TBC1D22A: variants seen among roughly 807,000 people sequenced by gnomAD.
TBC1D22A encodes putative GTPase activator.
In TBC1D22A, 38 loss-of-function variants were observed where a neutral mutation model predicts 60.2. That is an observed-to-expected ratio of 0.63 (90% CI 0.49 to 0.83). The LOEUF is 0.83. Ranked by LOEUF, TBC1D22A falls within the 40% of genes least tolerant of loss-of-function variation. TBC1D22A has a pLI of 0.00. For missense variants in TBC1D22A, 628 were observed against 701.0 expected, an observed-to-expected ratio of 0.90 and a Z score of 1.18; for synonymous variants, 302 against 281.7, an observed-to-expected ratio of 1.07 and a Z score of -0.72.
At chr22:47,097,992 G>A (rs960112306) in intron 11 of TBC1D22A, among the ~76,000 whole-genome samples, 1 of 152,002 alleles carries the variant, frequency 6.6e-6, no homozygotes, top group African/African-American at 2.4e-5. Flanking sequence ...CTACTGTGCA[G>A]CTGTCCTTTG....
At chr22:47,066,847 C>T (rs1176349088) in intron 11 of TBC1D22A, among the ~76,000 whole-genome samples, 1 of 152,220 alleles carries the variant, frequency 6.6e-6, no homozygotes, top group Non-Finnish European at 1.5e-5. Context: ...AGCTCTAACA[C>T]TGGTGTCTGG....
intron 12 of TBC1D22A, among the ~76,000 whole-genome samples, chr22:47,150,225 C>T (rs2067451356): frequency 1.3e-5 from 2 of 152,266 alleles, no homozygotes; most frequent in African/African-American, 2.4e-5. Context: ...AGCACCGCCA[C>T]GCCCATTCAG....
intron 12 of TBC1D22A, among the ~76,000 whole-genome samples, chr22:47,143,706 C>CAG (rs1256599667): frequency 6.6e-6 from 1 of 152,218 alleles, no homozygotes; most frequent in Non-Finnish European, 1.5e-5. Context: ...CTGACGGGTG[C>CAG]CTAGTAGCTC....
rs1195020755 is a variant in TBC1D22A, at chr22:47,160,123, C to T, written c.1426-13375C>T. ...GGGAGGCCGGGCCGCCCAACCCCTTCCTTGGTTTCCCCGCCGCTCCTTCTC... is the reference window on the plus strand; with the variant it reads ...GGGAGGCCGGGCCGCCCAACCCCTTTCTTGGTTTCCCCGCCGCTCCTTCTC... On this transcript the variant is annotated intron_variant, in intron 12 of 12. Transcript: ENST00000337137. Among the ~76,000 whole-genome samples, 5 of 152,224 alleles carry T rather than the reference C, an allele frequency of 3.3e-5. No individual in the cohort carries two copies. In the East Asian group the frequency reaches 5.8e-4, roughly 18 times the overall value.
intron 4 of TBC1D22A, among the ~76,000 whole-genome samples, chr22:46,832,905 A>G (rs1469672476): frequency 1.3e-5 from 2 of 152,178 alleles, no homozygotes; most frequent in African/African-American, 2.4e-5. Context: ...GGGATAGAAC[A>G]GGGACAGGGA....
At chr22:47,084,961 GGCATTCTTTT>G (rs1334611610) in intron 11 of TBC1D22A, among the ~76,000 whole-genome samples, 1 of 152,074 alleles carries the variant, frequency 6.6e-6, no homozygotes, top group Non-Finnish European at 1.5e-5. Flanking sequence ...TTGGACTATT[GGCATTCTTTT>G]ACTTTCATAT....
chr22:46,887,634 G>T (rs1037390829), intron 5 of TBC1D22A, among the ~76,000 whole-genome samples: 1 of 152,316 alleles, frequency 6.6e-6, no homozygotes, highest in African/African-American at 2.4e-5. Context: ...GTGTAACACT[G>T]AATGAAAGCA....
At chr22:47,097,695 C>A (rs147164848) in intron 11 of TBC1D22A, among the ~76,000 whole-genome samples, 86 of 152,198 alleles carry the variant, frequency 5.7e-4, no homozygotes, top group African/African-American at 1.9e-3. Flanking sequence ...CATTTTGAAT[C>A]TTTTTGTGTG....
At chr22:47,043,201 G>T (rs1424297295) in intron 11 of TBC1D22A, among the ~76,000 whole-genome samples, 2 of 152,230 alleles carry the variant, frequency 1.3e-5, no homozygotes, top group Non-Finnish European at 2.9e-5. Flanking sequence ...CCGGCCCTCA[G>T]GCAGGGTGTC....
intron 8 of TBC1D22A, among the ~76,000 whole-genome samples, chr22:46,946,779 G>A (rs961158220): frequency 6.6e-6 from 1 of 152,182 alleles, no homozygotes; most frequent in African/African-American, 2.4e-5. Context: ...CCTTCCTCTA[G>A]GTTGGTATTC....
intron 8 of TBC1D22A, among the ~76,000 whole-genome samples, chr22:46,955,084 A>T (rs1287453570): frequency 3.9e-5 from 6 of 152,194 alleles, no homozygotes; most frequent in Non-Finnish European, 8.8e-5. Flanking sequence ...TGAGTCTAGT[A>T]ACAGTGTTAA....
rs145632031 is a variant in TBC1D22A at position 47,061,673 on chromosome 22, C to T, written c.1329+24475C>T. ...GACTCCTTCCACTCTCCATAGTCAT[C>T]TAGAGATTTAGCCAGGATTTTGCAT... is the stretch of plus-strand genomic sequence containing the variant. On this transcript the variant is annotated intron_variant, in intron 11 of 12. Coordinates refer to ENST00000337137, the MANE Select transcript of TBC1D22A (RefSeq NM_014346.5). Among the ~76,000 whole-genome samples the T allele has an allele frequency of 4.1e-4, 63 of 152,232 alleles. No homozygotes were observed. The East Asian group carries it at 8.5e-3, about 21-fold the overall frequency.
chr22:47,064,067 G>A (rs2063676671), intron 11 of TBC1D22A, among the ~76,000 whole-genome samples: 1 of 152,040 alleles, frequency 6.6e-6, no homozygotes, highest in Non-Finnish European at 1.5e-5. Context: ...ATCTCCAGAT[G>A]CCGTTTTCCA....
rs546499968 is a variant in TBC1D22A at position 46,792,754 on chromosome 22, C to T, written c.119+178C>T. 154 of 1,484,234 alleles carry T rather than the reference C, an allele frequency of 1.0e-4. 1 individual carries two copies. In the Admixed American group the frequency reaches 2.0e-3, roughly 19 times the overall value. The allele number at this position is 1,484,234 out of a possible 1,614,324, so 91.9% of individuals were successfully genotyped here. A position where few individuals can be genotyped will look rare whatever the true frequency, so the allele number is the denominator to read the frequency against. On this transcript the variant is annotated intron_variant, in intron 2 of 12. Transcript: ENST00000337137. ...GTGAGATACTGTGCACCCCGTGCTG[C>T]GCATCCCGGTGAAGACGGCGGATGT... is the stretch of plus-strand genomic sequence containing the variant.
At chr22:47,075,777 A>G (rs550521096) in intron 11 of TBC1D22A, among the ~76,000 whole-genome samples, 1 of 152,290 alleles carries the variant, frequency 6.6e-6, no homozygotes, top group East Asian at 1.9e-4. Flanking sequence ...CTAAAATCCA[A>G]CTATGTGGTA....
intron 10 of TBC1D22A, among the ~76,000 whole-genome samples, chr22:47,022,057 T>TA (rs1221531246): frequency 2.6e-5 from 4 of 152,176 alleles, no homozygotes; most frequent in Admixed American, 2.0e-4. Flanking sequence ...TCAGGATTAA[T>TA]AAAAAATCAC....
chr22:46,997,833 G>A (rs998447020), intron 10 of TBC1D22A, 124 bp downstream of exon 10: 4 of 764,270 alleles, frequency 5.2e-6, no homozygotes, highest in African/African-American at 5.2e-5. Context: ...TCCCTCATGG[G>A]CATCCTTCTG....
At chr22:47,111,881 C>G (rs745774387) in intron 12 of TBC1D22A, among the ~76,000 whole-genome samples, 31 of 152,186 alleles carry the variant, frequency 2.0e-4, no homozygotes, top group Admixed American at 2.0e-4. Context: ...GCAGCGTGCC[C>G]CTCAGCAGCA....
At chr22:47,049,918 C>T (rs541106112) in intron 11 of TBC1D22A, among the ~76,000 whole-genome samples, 1 of 152,326 alleles carries the variant, frequency 6.6e-6, no homozygotes, top group East Asian at 1.9e-4. Context: ...AACGGGTCCC[C>T]CTGTGTTTGG....
Sources: allele counts gnomAD v4.1 joint callset (sites outside exome capture counted in the v4.1 genomes callset), GRCh38; gene constraint gnomAD v4.1.1; transcripts MANE v1.5; gene names NCBI Gene and HGNC (gene_info 2026-07-23, HGNC 2026-07-21).